Variants in SDK2 observed in about 807,000 individuals in gnomAD.
SDK2 encodes the protein sidekick cell adhesion molecule 2.
In SDK2, 105 loss-of-function variants were observed where a neutral mutation model predicts 253.9. The ratio of observed to expected loss-of-function variants is 0.41; its 90% CI spans 0.35 to 0.49. The LOEUF (loss-of-function observed/expected upper bound fraction) is 0.49. SDK2 is among the 20% of genes least tolerant of loss of function. The pLI, the probability that SDK2 is intolerant of heterozygous loss-of-function variation, is 0.06. For missense variants in SDK2, 2,608 were observed against 3,003.0 expected, an observed-to-expected ratio of 0.87 and a Z score of 3.07; for synonymous variants, 1,249 against 1,234.9, an observed-to-expected ratio of 1.01 and a Z score of -0.24.
rs565358262 is a variant in SDK2, at chr17:73,542,552, T to C, written c.65-34955A>G. Among the ~76,000 whole-genome samples the C allele has an allele frequency of 2.0e-5, 3 of 152,262 alleles. No homozygotes were observed. The South Asian group carries it at 6.2e-4, about 32-fold the overall frequency. On this transcript the variant is annotated intron_variant, in intron 1 of 44. Coordinates refer to ENST00000392650, the MANE Select transcript of SDK2 (RefSeq NM_001144952.2). ...GGCCTGGTAAGCAGCACAGTGGCCC[T>C]CCGTGAGCTGTGCCCTGCTGGGCAG...
chr17:73,412,161 TGTATATAC>T (rs2063143845), intron 18 of SDK2, among the ~76,000 whole-genome samples: 1 of 92,834 alleles, frequency 1.1e-5, no homozygotes, highest in African/African-American at 5.2e-5. Context: ...TACGTATATA[TGTATATAC>T]ACATATATGT....
At chr17:73,580,287 C>T (rs1041420773) in intron 1 of SDK2, among the ~76,000 whole-genome samples, 1 of 152,250 alleles carries the variant, frequency 6.6e-6, no homozygotes, top group African/African-American at 2.4e-5. Flanking sequence ...ATTACACAGC[C>T]TCTGCCAGGC....
rs771307960 is a variant in SDK2 at position 73,431,705 on chromosome 17, C to T, written c.1313-36G>A. On this transcript the variant is annotated intron_variant, in intron 10 of 44. Transcript: ENST00000392650. The surrounding 1 kb of genome is among the most constrained non-coding windows in gnomAD (Gnocchi z 5.6). ...AACAGGGTGGGGGTCAGCCTGTAGC[C>T]CCCAAGGGCACACCCTGCCCTTCCC... The T allele has an allele frequency of 1.3e-5, 21 of 1,560,386 alleles. No individual in the cohort carries two copies. In the East Asian group the frequency reaches 3.9e-4, roughly 29 times the overall value.
chr17:73,401,596 G>C, intron 20 of SDK2, 58 bp downstream of exon 20: 1 of 1,449,008 alleles, frequency 6.9e-7, no homozygotes. Flanking sequence ...GGATGGACCA[G>C]CTCTGACCTT....
intron 1 of SDK2, among the ~76,000 whole-genome samples, chr17:73,550,219 G>T (rs2045032792): frequency 6.6e-6 from 1 of 152,146 alleles, no homozygotes; most frequent in Non-Finnish European, 1.5e-5. Context: ...GGGGGCCAGG[G>T]GTCAGGGAGG....
Position 73,402,158 on chromosome 17 carries a change from A to AAGTCAC in SDK2, c.2485-23_2485-18dup. ...GGCGATCAGCTGCGGAGAGGCGAGC[A>AAGTCAC]AGTCACACAGGGCAGCAGGAAGGTT... On this transcript the variant is annotated splice_polypyrimidine_tract_variant and intron_variant, in intron 18 of 44. Transcript: ENST00000392650. 3 of 1,609,618 alleles carry AAGTCAC rather than the reference A, an allele frequency of 1.9e-6. No homozygotes were observed. Among genetic ancestry groups the AAGTCAC allele is most frequent in the Non-Finnish European group, 2.5e-6 (3 of 1,177,294 alleles).
intron 1 of SDK2, among the ~76,000 whole-genome samples, chr17:73,550,331 C>T (rs998768583): frequency 2.0e-5 from 3 of 152,196 alleles, no homozygotes; most frequent in Non-Finnish European, 2.9e-5. Flanking sequence ...ATGCTACGTC[C>T]CCAGGAAGGG....
Position 73,470,126 on chromosome 17 carries a change from C to G in SDK2, c.331+1986G>C, listed in dbSNP as rs193045852. Among the ~76,000 whole-genome samples, 13 of 152,022 alleles carry G rather than the reference C, an allele frequency of 8.6e-5. No individual in the cohort carries two copies. The East Asian group carries it at 2.1e-3, about 25-fold the overall frequency. Reference sequence around the variant, plus strand: ...TAACCAATACATGTATGTGTATACACTTGCACATACTCAAATGCACACACA... The same window carrying G: ...TAACCAATACATGTATGTGTATACAGTTGCACATACTCAAATGCACACACA... On this transcript the variant is annotated intron_variant, in intron 3 of 44. Transcript: ENST00000392650.
intron 11 of SDK2, among the ~76,000 whole-genome samples, chr17:73,430,900 G>A (rs2063321342): frequency 6.6e-6 from 1 of 152,208 alleles, no homozygotes; most frequent in Admixed American, 6.5e-5. Flanking sequence ...CCAGTCTAGT[G>A]CTTCATGCAC....
chr17:73,338,784 C>T lies in SDK2; in HGVS notation c.6322G>A (p.Gly2108Ser). ...QAYSYTESDS[G>S]EPDHTTVTNS... Reference sequence around the variant, plus strand: ...GTGACGGTGGTGTGGTCTGGCTCACCCGAGTCGCTCTCCGTGTAGCTGTAG... The same window carrying T: ...GTGACGGTGGTGTGGTCTGGCTCACTCGAGTCGCTCTCCGTGTAGCTGTAG... Residue 2108 changes from glycine to serine, a missense_variant, in exon 45 of 45, where the codon GGT (glycine) becomes AGT (serine). Physicochemically the swap from Gly to Ser is moderately conservative, Grantham distance 56 (BLOSUM62 0). Transcript: ENST00000392650. This position sits in a 1 kb window ranked among gnomAD's most constrained non-coding sequence, Gnocchi z 5.0. 1 of 1,613,868 alleles carries T rather than the reference C, an allele frequency of 6.2e-7. No homozygotes were observed. The highest frequency in any genetic ancestry group is 8.5e-7 in the Non-Finnish European group (1 of 1,179,876).
chr17:73,391,977 C>T (rs2062932134), intron 27 of SDK2, among the ~76,000 whole-genome samples: 1 of 152,118 alleles, frequency 6.6e-6, no homozygotes, highest in Admixed American at 6.5e-5. Context: ...CTAGACCTTG[C>T]TCTGGAATCC....
chr17:73,422,657 T>A (rs1414406366), intron 14 of SDK2, among the ~76,000 whole-genome samples: 1 of 152,190 alleles, frequency 6.6e-6, no homozygotes, highest in South Asian at 2.1e-4. Flanking sequence ...TAAGGGCTTA[T>A]GGGAACTGAG....
chr17:73,350,293 G>A lies in SDK2; in HGVS notation c.5982C>T (p.Asn1994=). 1 of 1,601,564 alleles carries A rather than the reference G, an allele frequency of 6.2e-7. No individual in the cohort carries two copies. Among genetic ancestry groups the A allele is most frequent in the South Asian group, 1.1e-5 (1 of 90,200 alleles). ...DESSFPALEL[N]NRRLSVKNSF... ...AGTTCTTGACGGAGAGCCGCCTGTT[G>A]TTGAGTTCCAGGGCAGGGAAGCTGC... The change falls in exon 43 of 45, where the codon AAC becomes AAT. Residue 1994 remains asparagine (N), a synonymous_variant. Transcript: ENST00000392650.
Position 73,534,186 on chromosome 17 carries a change from G to A in SDK2, c.65-26589C>T, listed in dbSNP as rs1485873234. Among the ~76,000 whole-genome samples the A allele has an allele frequency of 2.0e-5, 3 of 152,164 alleles. No homozygotes were observed. Among genetic ancestry groups the A allele is most frequent in the East Asian group, 3.9e-4 (2 of 5,192 alleles). On this transcript the variant is annotated intron_variant, in intron 1 of 44. Transcript: ENST00000392650. This position sits in a 1 kb window ranked among gnomAD's most constrained non-coding sequence, Gnocchi z 4.9. ...CAACCACGGGACAATGCAGTGCAAT[G>A]GCTGGTAGGAGAGACTCAGTACATC...
At position 73,553,162 on chromosome 17, in the gene SDK2, T is replaced by C. The variant is rs10445213; in HGVS notation, c.65-45565A>G. Among the ~76,000 whole-genome samples the C allele has an allele frequency of 7.9e-3, 1,210 of 152,256 alleles. 12 individuals are homozygous for C. The highest frequency in any genetic ancestry group is 0.014 in the Non-Finnish European group (929 of 68,018). On this transcript the variant is annotated intron_variant, in intron 1 of 44. Transcript: ENST00000392650. ...CTGGGCATGGAGGTGGCCTTGAGCA[T>C]GGAAGCACCTTCTGGGGTGTGTGTG...
intron 1 of SDK2, among the ~76,000 whole-genome samples, chr17:73,536,021 C>G (rs2044766317): frequency 6.6e-6 from 1 of 152,184 alleles, no homozygotes; most frequent in Non-Finnish European, 1.5e-5. Flanking sequence ...CTTAGAAACT[C>G]TTAGCTGGTT....
chr17:73,367,377 C>T (rs1172890931), intron 37 of SDK2, among the ~76,000 whole-genome samples: 1 of 152,186 alleles, frequency 6.6e-6, no homozygotes, highest in Non-Finnish European at 1.5e-5. Flanking sequence ...TCCTGCAAGC[C>T]ACCTGGCTTT....
chr17:73,366,864 C>A (rs9908830), intron 37 of SDK2, among the ~76,000 whole-genome samples: 1 of 152,066 alleles, frequency 6.6e-6, no homozygotes, highest in African/African-American at 2.4e-5. Flanking sequence ...TTCAGCCTCC[C>A]GATCTCCCCT....
In SDK2 at chr17:73,338,420, CCTT is replaced by C. The variant is rs2062399975; in HGVS notation, c.*164_*166del. The stretch of plus-strand genomic sequence containing the variant: ...CACATCCTCTCACGGTTTTCTCCCT[CCTT>C]CTGAACGCCGGCTTTGCTGGCCCTG... On this transcript the variant is annotated 3_prime_UTR_variant, in exon 45 of 45. Transcript: ENST00000392650. The surrounding 1 kb of genome is among the most constrained non-coding windows in gnomAD (Gnocchi z 5.0). 1 of 700,338 alleles carries C rather than the reference CCTT, an allele frequency of 1.4e-6. No homozygotes were observed. Among genetic ancestry groups the C allele is most frequent in the Admixed American group, 2.1e-5 (1 of 48,314 alleles). 43.4% of individuals were successfully genotyped at this position (700,338 alleles called of 1,614,324 possible).
Sources: gnomAD v4.1 joint callset for allele counts (sites outside exome capture counted in the v4.1 genomes callset) on GRCh38, gnomAD v4.1.1 for gene constraint, Gnocchi (gnomAD v3.1) non-coding constraint, MANE v1.5 for transcripts, NCBI Gene and HGNC (gene_info 2026-07-23, HGNC 2026-07-21) for gene names.